Variants in DAPK1 observed in about 807,000 individuals in gnomAD.
DAPK1 encodes the protein death-associated protein kinase 1.
A neutral mutation model predicts 144.9 loss-of-function variants in DAPK1; 56 were observed. The observed-to-expected ratio is 0.39, with a 90% CI of 0.31 to 0.48. The LOEUF (loss-of-function observed/expected upper bound fraction) is 0.48. Among genes scored for constraint, DAPK1 ranks in the 20% least tolerant of loss-of-function variants. The pLI, the probability that DAPK1 is intolerant of heterozygous loss-of-function variation, is 0.95. For missense variants in DAPK1, 1,454 were observed against 1,875.4 expected (o/e 0.78, Z 4.15); for synonymous variants, 690 against 749.0 (o/e 0.92, Z 1.29).
rs962536444 is a variant in DAPK1 at position 87,701,866 on chromosome 9, G to A, written c.2872-1163G>A. 1.0e-4 allele frequency: 49 copies of A among 470,026 alleles called. 1 individual carries two copies. The highest frequency in any genetic ancestry group is 1.2e-4 in the Non-Finnish European group (27 of 226,570). 29.1% of individuals were successfully genotyped at this position (470,026 alleles called of 1,614,324 possible). ...CCTGCCCTTCACACCAGATATCCTC[G>A]TTGGGGTCCCACTGTGGCATCATCA... On this transcript the variant is annotated intron_variant, in intron 24 of 25. Transcript: ENST00000408954.
intron 2 of DAPK1, among the ~76,000 whole-genome samples, chr9:87,528,470 G>A (rs767620666): frequency 5.9e-5 from 9 of 151,934 alleles, no homozygotes; most frequent in East Asian, 1.9e-4. Flanking sequence ...CACCCGCCTC[G>A]GCCTCCCAAA....
chr9:87,695,219 T>C (rs147584683), intron 21 of DAPK1, among the ~76,000 whole-genome samples: 1 of 152,332 alleles, frequency 6.6e-6, no homozygotes, highest in Admixed American at 6.5e-5. Context: ...CTTTCCATGC[T>C]TGGCCTAAGC....
At chr9:87,610,729 G>T (rs1397467795) in intron 3 of DAPK1, among the ~76,000 whole-genome samples, 1 of 152,224 alleles carries the variant, frequency 6.6e-6, no homozygotes, top group Non-Finnish European at 1.5e-5. Context: ...TGGCCCACTG[G>T]AGCCCTGAGG....
chr9:87,616,718 CAG>C (rs1345610874), intron 3 of DAPK1, among the ~76,000 whole-genome samples: 7 of 152,212 alleles, frequency 4.6e-5, no homozygotes, highest in Admixed American at 1.3e-4. Context: ...AAAAGTAAAA[CAG>C]GGGAGTGGTG....
At position 87,658,125 on chromosome 9, in the gene DAPK1, AC is replaced by A; in HGVS notation, c.1922del (p.Thr641ArgfsTer18). On this transcript the variant is annotated frameshift_variant and splice_region_variant, in exon 18 of 26. Coordinates refer to ENST00000408954, the MANE Select transcript of DAPK1 (RefSeq NM_004938.4). LOFTEE classifies it high-confidence loss of function. Reference protein sequence around the residue: ...LMGASVEALTTDGKTAEDLAR... With the variant: ...LMGASVEALTXDGKTAEDLAR... ...GGGAGCCAGCGTTGAGGCGCTGACCACGGTGAGTGCCCACAGGGCTTCGTGA... is the reference window on the plus strand; with the variant it reads ...GGGAGCCAGCGTTGAGGCGCTGACCAGGTGAGTGCCCACAGGGCTTCGTGA... 7.7e-7 allele frequency: 1 copy of A among 1,291,222 alleles called. No homozygotes were observed. Among genetic ancestry groups the A allele is most frequent in the Non-Finnish European group, 1.1e-6 (1 of 888,000 alleles). 80.0% of individuals were successfully genotyped at this position (1,291,222 alleles called of 1,614,324 possible). A position where few individuals can be genotyped will look rare whatever the true frequency, so the allele number is the denominator to read the frequency against.
intron 2 of DAPK1, among the ~76,000 whole-genome samples, chr9:87,587,432 C>T (rs7043056): frequency 0.097 from 14,797 of 152,150 alleles, 1,297 homozygotes; most frequent in African/African-American, 0.23. Flanking sequence ...ATTTGAGGCT[C>T]CTTTGAATTC....
intron 2 of DAPK1, among the ~76,000 whole-genome samples, chr9:87,537,173 A>G (rs1182614687): frequency 6.6e-6 from 1 of 151,968 alleles, no homozygotes; most frequent in African/African-American, 2.4e-5. Context: ...TTTTTAGTAG[A>G]GCCAGGGTTT....
At chr9:87,513,938 G>A (rs1824949155) in intron 2 of DAPK1, among the ~76,000 whole-genome samples, 1 of 152,144 alleles carries the variant, frequency 6.6e-6, no homozygotes, top group Non-Finnish European at 1.5e-5. Context: ...TTTTAGGATA[G>A]GATATTTATA....
chr9:87,646,075 T>A, intron 12 of DAPK1, 61 bp downstream of exon 12: 1 of 1,574,408 alleles, frequency 6.4e-7, no homozygotes, highest in East Asian at 2.3e-5. Flanking sequence ...CCCTTCCATA[T>A]CCAAGGAAAG....
In DAPK1 at chr9:87,706,650, C is replaced by G; in HGVS notation, c.3579C>G (p.Gly1193=). Residue 1193 remains glycine, a synonymous_variant, in exon 26 of 26, where the codon GGC becomes GGG. Transcript: ENST00000408954. The surrounding 1 kb of genome is among the most constrained non-coding windows in gnomAD (Gnocchi z 9.0). ...LLVLLVNHGQ[G]IEVQVRGLET... ...TGCTGCTGGTCAACCACGGCCAGGG[C>G]ATTGAGGTCCAGGTCCGCGGCCTGG... 1 of 1,612,410 alleles carries G rather than the reference C, an allele frequency of 6.2e-7. No individual in the cohort carries two copies. Among genetic ancestry groups the G allele is most frequent in the South Asian group, 1.1e-5 (1 of 91,040 alleles).
At chr9:87,613,691 CAAAAATTGTACAGAGCTG>C (rs1055828934) in intron 3 of DAPK1, among the ~76,000 whole-genome samples, 1 of 152,264 alleles carries the variant, frequency 6.6e-6, no homozygotes, top group African/African-American at 2.4e-5. Flanking sequence ...TTAAAAGTGG[CAAAAATTGTACAGAGCTG>C]AATGTGGTGG....
At chr9:87,521,170 G>A (rs139733231) in intron 2 of DAPK1, among the ~76,000 whole-genome samples, 2 of 152,366 alleles carry the variant, frequency 1.3e-5, no homozygotes, top group Non-Finnish European at 2.9e-5. Flanking sequence ...AGCTTTTGGT[G>A]TTGTTGCAGG....
chr9:87,520,737 G>A (rs1825264993), intron 2 of DAPK1, among the ~76,000 whole-genome samples: 2 of 152,152 alleles, frequency 1.3e-5, no homozygotes, highest in Admixed American at 1.3e-4. Context: ...CAATGCACTG[G>A]TGAATTGAAA....
chr9:87,510,823 G>C (rs1168112052), intron 2 of DAPK1, among the ~76,000 whole-genome samples: 1 of 144,222 alleles, frequency 6.9e-6, no homozygotes, highest in Non-Finnish European at 1.5e-5. Context: ...ACTTCTGTGA[G>C]ATTTAGTTTT....
chr9:87,621,053 G>A (rs1829277234), intron 3 of DAPK1, among the ~76,000 whole-genome samples: 1 of 152,202 alleles, frequency 6.6e-6, no homozygotes, highest in Non-Finnish European at 1.5e-5. Context: ...TTCCAGCCCG[G>A]GAATCTCCAT....
At chr9:87,524,590 C>T (rs79863888) in intron 2 of DAPK1, among the ~76,000 whole-genome samples, 17,074 of 152,178 alleles carry the variant, frequency 0.11, 1,199 homozygotes, top group Admixed American at 0.16. Flanking sequence ...AGTGTGAATG[C>T]GCATGTTTAC....
chr9:87,550,542 C>T (rs1218676763), intron 2 of DAPK1, among the ~76,000 whole-genome samples: 3 of 152,236 alleles, frequency 2.0e-5, no homozygotes, highest in Non-Finnish European at 4.4e-5. Flanking sequence ...AAATTTCCCC[C>T]TAAGGACCTA....
intron 3 of DAPK1, among the ~76,000 whole-genome samples, chr9:87,622,154 G>A (rs1829317546): frequency 6.6e-6 from 1 of 151,832 alleles, no homozygotes; most frequent in East Asian, 1.9e-4. Context: ...TTTCTTTGGA[G>A]TATTTTTATG....
chr9:87,691,660 G>A (rs1825057316), intron 21 of DAPK1, among the ~76,000 whole-genome samples: 1 of 151,700 alleles, frequency 6.6e-6, no homozygotes, highest in African/African-American at 2.4e-5. Flanking sequence ...TGCTTTGGCT[G>A]TAGGTTTTGG....
Sources: gnomAD v4.1 joint callset for allele counts (sites outside exome capture counted in the v4.1 genomes callset) on GRCh38, gnomAD v4.1.1 for gene constraint, Gnocchi (gnomAD v3.1) non-coding constraint, MANE v1.5 for transcripts, NCBI Gene and HGNC (gene_info 2026-07-23, HGNC 2026-07-21) for gene names.